Variants in SLC22A12 observed in about 807,000 individuals in gnomAD.
SLC22A12 encodes organic anion transporter 4-like protein.
In SLC22A12, 56 loss-of-function variants were observed where a neutral mutation model predicts 52.7. The observed-to-expected ratio is 1.06, with a 90% CI of 0.86 to 1.33. SLC22A12 has a LOEUF of 1.33. Among genes scored for constraint, SLC22A12 ranks in the 40% most tolerant of loss-of-function variants. The pLI is 0.00. For missense variants in SLC22A12, 683 were observed against 741.5 expected (o/e 0.92, Z 0.92); for synonymous variants, 337 against 324.6 (o/e 1.04, Z -0.41).
At chr11:64,594,069 C>T (rs904223724) in intron 4 of SLC22A12, among the ~76,000 whole-genome samples, 5 of 152,248 alleles carry the variant, frequency 3.3e-5, no homozygotes, top group African/African-American at 1.2e-4. Flanking sequence ...CTCCCTCCTC[C>T]TCATCTCTTG....
intron 4 of SLC22A12, among the ~76,000 whole-genome samples, chr11:64,594,978 G>A (rs1201404497): frequency 8.2e-6 from 1 of 122,372 alleles, no homozygotes; most frequent in Non-Finnish European, 1.6e-5. Context: ...TAGATGGATG[G>A]ATGGATGGGT....
chr11:64,591,571 A>C lies in SLC22A12; in HGVS notation c.15A>C (p.Glu5Asp). The C allele has an allele frequency of 1.2e-6, 2 of 1,611,810 alleles. No homozygotes were observed. Among genetic ancestry groups the C allele is most frequent in the Non-Finnish European group, 1.7e-6 (2 of 1,179,840 alleles). The change falls in exon 1 of 10, where the codon GAA becomes GAC. Residue 5 changes from glutamate (E) to aspartate (D), a missense_variant. By Grantham distance (45) the Glu-to-Asp change is conservative (BLOSUM62 2). Transcript: ENST00000377574. ...GAGTAGGTTCCATGGCATTTTCTGA[A>C]CTCCTGGACCTCGTGGGTGGCCTGG... MAFS[E>D]LLDLVGGLGR...
Position 64,601,680 on chromosome 11 carries a change from C to A in SLC22A12, c.*129C>A. The A allele has an allele frequency of 1.9e-6, 2 of 1,030,612 alleles. No homozygotes were observed. Among genetic ancestry groups the A allele is most frequent in the South Asian group, 1.4e-5 (1 of 73,156 alleles). 63.8% of individuals were successfully genotyped at this position (1,030,612 alleles called of 1,614,324 possible). On this transcript the variant is annotated 3_prime_UTR_variant, in exon 10 of 10. Coordinates refer to ENST00000377574, the MANE Select transcript of SLC22A12 (RefSeq NM_144585.4). Reference sequence around the variant, plus strand: ...GCTGCCCTCTGAGGTCCCCACTCTCCCCCAGGGCTGCCCCTCCAGGTGAGC... The same window carrying A: ...GCTGCCCTCTGAGGTCCCCACTCTCACCCAGGGCTGCCCCTCCAGGTGAGC...
rs935033366 is a variant in SLC22A12, at chr11:64,593,681, G to A, written c.708G>A (p.Leu236=). The A allele has an allele frequency of 1.8e-5, 29 of 1,614,138 alleles. No homozygotes were observed. Among genetic ancestry groups the A allele is most frequent in the Non-Finnish European group, 2.4e-5 (28 of 1,180,044 alleles). The part of the protein sequence containing the change: ...AARARPLVMT[L]NSLGFSFGHG... ...GGGCCCGACCCTTGGTGATGACCTT[G>A]AACTCTCTGGGCTTCAGCTTCGGCC... The change falls in exon 4 of 10, where the codon TTG becomes TTA. Residue 236 remains leucine, a synonymous_variant. Transcript: ENST00000377574.
At position 64,593,525 on chromosome 11, in the gene SLC22A12, C is replaced by T. The variant is rs1281593856; in HGVS notation, c.627C>T (p.Ala209=). 13 of 1,614,078 alleles carry T rather than the reference C, an allele frequency of 8.1e-6. No homozygotes were observed. The highest frequency in any genetic ancestry group is 3.3e-5 in the South Asian group (3 of 91,096). Residue 209 remains alanine (A), a synonymous_variant, in exon 3 of 10, where the codon GCC becomes GCT. Coordinates refer to ENST00000377574, the MANE Select transcript of SLC22A12 (RefSeq NM_144585.4). ...TGTTCCGCTTCCTGTTGGCCTTTGC[C>T]GTGGCAGGCGTCATGATGAACACGG... is the stretch of plus-strand genomic sequence containing the variant. ...YCLFRFLLAF[A]VAGVMMNTGT... is the part of the protein sequence containing the mutation.
Position 64,600,819 on chromosome 11 carries a change from C to T in SLC22A12, c.1479C>T (p.Gly493=). 1.2e-6 allele frequency: 2 copies of T among 1,606,850 alleles called. No homozygotes were observed. The highest frequency in any genetic ancestry group is 1.7e-6 in the Non-Finnish European group (2 of 1,179,966). Residue 493 remains glycine (G), a synonymous_variant, in exon 9 of 10, where the codon GGC becomes GGT. Coordinates refer to ENST00000377574, the MANE Select transcript of SLC22A12 (RefSeq NM_144585.4). ...GPLVRLLGVH[G]PWLPLLVYGT... ...TGGTCCGGCTGCTGGGTGTCCATGG[C>T]CCCTGGCTGCCCTTGCTGGTGTATG...
chr11:64,594,486 ATAGGTAGG>A (rs60103042), intron 4 of SLC22A12, among the ~76,000 whole-genome samples: 129,012 of 151,504 alleles, frequency 0.85, 56,537 homozygotes, highest in East Asian at 0.99. Flanking sequence ...AAATAGATAG[ATAGGTAGG>A]TAGGTAGGTA....
chr11:64,601,289 G>T (rs1161867462), intron 9 of SLC22A12, among the ~76,000 whole-genome samples, 199 bp from the exon 10 acceptor site: 2 of 152,140 alleles, frequency 1.3e-5, no homozygotes, highest in African/African-American at 4.8e-5. Flanking sequence ...GCAGGCCCCA[G>T]ATTCTACCTC....
chr11:64,601,713 C>T lies in SLC22A12; in HGVS notation c.*162C>T. On this transcript the variant is annotated 3_prime_UTR_variant, in exon 10 of 10. Coordinates refer to ENST00000377574, the MANE Select transcript of SLC22A12 (RefSeq NM_144585.4). ...CTGCCCCTCCAGGTGAGCCCTGCCCCTCTCACAGTCCAAGGGGCCCCCTTC... is the reference window on the plus strand; with the variant it reads ...CTGCCCCTCCAGGTGAGCCCTGCCCTTCTCACAGTCCAAGGGGCCCCCTTC... 1 of 746,440 alleles carries T rather than the reference C, an allele frequency of 1.3e-6. No homozygotes were observed. The highest frequency in any genetic ancestry group is 2.8e-5 in the East Asian group (1 of 35,782). The allele number at this position is 746,440 out of a possible 1,614,324, so 46.2% of individuals were successfully genotyped here.
In SLC22A12 at chr11:64,601,589, A is replaced by G. The variant is rs1427888318; in HGVS notation, c.*38A>G. ...CCTGCGATGGGACGGTCAGAGGAAG[A>G]GACTTCTTCTGTTCTCTGGAGAAGG... On this transcript the variant is annotated 3_prime_UTR_variant, in exon 10 of 10. Transcript: ENST00000377574. 1.3e-6 allele frequency: 2 copies of G among 1,599,860 alleles called. No homozygotes were observed. The highest frequency in any genetic ancestry group is 1.7e-6 in the Non-Finnish European group (2 of 1,167,750).
At chr11:64,595,940 ATGGATGGATG>A (rs2135456056) in intron 4 of SLC22A12, among the ~76,000 whole-genome samples, 1 of 40,374 alleles carries the variant, frequency 2.5e-5, no homozygotes, top group East Asian at 4.1e-4. Flanking sequence ...GGATGGATGG[ATGGATGGATG>A]GATGGATGGA....
chr11:64,595,398 GA>G (rs2039128460), intron 4 of SLC22A12, among the ~76,000 whole-genome samples: 1 of 110,056 alleles, frequency 9.1e-6, no homozygotes, highest in African/African-American at 2.9e-5. Flanking sequence ...TGGATGGACG[GA>G]CGGATGGATG....
At position 64,598,846 on chromosome 11, in the gene SLC22A12, C is replaced by A. The variant is rs951612238; in HGVS notation, c.993C>A (p.Gly331=). ...LSAMREELSM[G]QPPASLGTLL... ...CCATGCGGGAGGAGCTGAGCATGGG[C>A]CAGCCTCCTGCCAGCCTGGGCACCC... The change falls in exon 6 of 10, where the codon GGC becomes GGA. Residue 331 remains glycine, a synonymous_variant. Transcript: ENST00000377574. 1.9e-6 allele frequency: 3 copies of A among 1,612,698 alleles called. No homozygotes were observed. The South Asian group carries it at 3.3e-5, about 18-fold the overall frequency.
Position 64,600,446 on chromosome 11 carries a change from C to A in SLC22A12, c.1365C>A (p.Tyr455Ter). ...CTGCCTTCACCTGCATCACCATCTA[C>A]AGCAGCGAGCTCTTCCCCACTGTGC... ...VGAAFTCITI[Y>*]SSELFPTVLR... Residue 455 changes from tyrosine to a stop codon, truncating the protein, a stop_gained, in exon 8 of 10, where the codon TAC becomes TAA. Coordinates refer to ENST00000377574, the MANE Select transcript of SLC22A12 (RefSeq NM_144585.4). LOFTEE classifies it high-confidence loss of function. 6.2e-7 allele frequency: 1 copy of A among 1,607,028 alleles called. No individual in the cohort carries two copies.
chr11:64,599,878 C>T lies in SLC22A12; in HGVS notation c.1273C>T (p.Leu425=). The T allele has an allele frequency of 6.2e-7, 1 of 1,612,478 alleles. No homozygotes were observed. The highest frequency in any genetic ancestry group is 8.5e-7 in the Non-Finnish European group (1 of 1,179,674). The change falls in exon 7 of 10, where the codon CTG becomes TTG. Residue 425 remains leucine (L), a synonymous_variant. Coordinates refer to ENST00000377574, the MANE Select transcript of SLC22A12 (RefSeq NM_144585.4). The part of the protein sequence containing the change: ...LAGLCILANT[L]VPHEMGALRS... ...AGGGCTCTGCATTCTGGCCAACACG[C>T]TGGTGCCCCACGGTGAGGGGGCAAA...
chr11:64,598,401 G>A, intron 4 of SLC22A12, 115 bp from the exon 5 acceptor site: 1 of 1,466,672 alleles, frequency 6.8e-7, no homozygotes, highest in Non-Finnish European at 9.3e-7. Flanking sequence ...GGGGTCCTCA[G>A]CCGCCCTAAG....
chr11:64,597,024 C>T (rs1180210606), intron 4 of SLC22A12, among the ~76,000 whole-genome samples: 1 of 152,212 alleles, frequency 6.6e-6, no homozygotes, highest in Admixed American at 6.5e-5. Context: ...TCTCTGCCCA[C>T]GTGGAGCTCA....
In SLC22A12 at chr11:64,591,821, C is replaced by G; in HGVS notation, c.265C>G (p.Arg89Gly). 6.2e-7 allele frequency: 1 copy of G among 1,611,992 alleles called. No homozygotes were observed. The highest frequency in any genetic ancestry group is 1.7e-5 in the Admixed American group (1 of 60,020). ...CCCCAACCAGAGGCCCCACCAGTGC[C>G]GCCGCTTCCGCCAGCCACAGTGGCA... ...PGPNQRPHQC[R>G]RFRQPQWQLL... Residue 89 changes from arginine to glycine, a missense_variant, in exon 1 of 10, where the codon CGC becomes GGC. Arg to Gly is a moderately radical substitution (Grantham distance 125). Coordinates refer to ENST00000377574, the MANE Select transcript of SLC22A12 (RefSeq NM_144585.4).
chr11:64,600,673 C>T (rs1217822127), intron 8 of SLC22A12, 62 bp from the exon 9 acceptor site: 11 of 1,596,204 alleles, frequency 6.9e-6, no homozygotes, highest in East Asian at 4.5e-5. Flanking sequence ...CCTGGCCCGG[C>T]GTGCAGGATC....
Sources: gnomAD v4.1 joint callset for allele counts (sites outside exome capture counted in the v4.1 genomes callset) on GRCh38, gnomAD v4.1.1 for gene constraint, MANE v1.5 for transcripts, NCBI Gene and HGNC (gene_info 2026-07-23, HGNC 2026-07-21) for gene names.